The following ATRX variants were observed in gnomAD, a reference collection of about 807,000 sequenced individuals.
ATRX encodes ATRX chromatin remodeler.
In ATRX, 12 loss-of-function variants were observed where a neutral mutation model predicts 172.6. That is an observed-to-expected ratio of 0.07 (90% CI 0.04 to 0.11). The LOEUF (loss-of-function observed/expected upper bound fraction) is 0.11, where lower values mean the gene tolerates loss of function less well. ATRX is among the 10% of genes least tolerant of loss of function. ATRX has a pLI of 1.00. For missense variants in ATRX, 1,368 were observed against 1,767.4 expected (o/e 0.77, Z 4.05); for synonymous variants, 674 against 594.7 (o/e 1.13, Z -1.94).
At chrX:77,580,000 CA>C (rs1289110045) in intron 27 of ATRX, among the ~76,000 whole-genome samples, 1 of 111,343 alleles carries the variant, frequency 9.0e-6, no homozygotes, top group Admixed American at 9.5e-5. Context: ...ATTCTGGAGT[CA>C]AAAAATGCAA....
chrX:77,574,890 A>G (rs949806218), intron 27 of ATRX, among the ~76,000 whole-genome samples: 12 of 107,972 alleles, frequency 1.1e-4, no homozygotes, highest in East Asian at 2.9e-4. Flanking sequence ...GTGTGTGTGT[A>G]TGTGTGTGTG....
chrX:77,779,829 G>A (rs1206007383), intron 1 of ATRX, among the ~76,000 whole-genome samples: 2 of 112,022 alleles, frequency 1.8e-5, no homozygotes, highest in Non-Finnish European at 3.8e-5. Context: ...AATATTGTAT[G>A]GGACAGTTAA....
intron 34 of ATRX, among the ~76,000 whole-genome samples, chrX:77,508,923 C>T (rs1241746282): frequency 1.8e-5 from 2 of 112,160 alleles, no homozygotes; most frequent in Non-Finnish European, 3.8e-5. Context: ...GTATTAGTTA[C>T]AACACTTTTT....
chrX:77,661,297 C>T (rs1337935688), intron 12 of ATRX, among the ~76,000 whole-genome samples: 1 of 111,237 alleles, frequency 9.0e-6, no homozygotes, highest in African/African-American at 3.3e-5. Context: ...AAATTGTATA[C>T]TGTAAATGGT....
At chrX:77,521,165 C>G (rs1248821589) in intron 33 of ATRX, 3 of 430,526 alleles carry the variant, frequency 7.0e-6, no homozygotes, top group Non-Finnish European at 1.2e-5. Flanking sequence ...TTTATATAAA[C>G]AATGCATACA....
intron 9 of ATRX, among the ~76,000 whole-genome samples, chrX:77,679,853 A>G: frequency 8.9e-6 from 1 of 112,341 alleles, no homozygotes; most frequent in East Asian, 2.8e-4. Context: ...TATTATTCTT[A>G]AACTCTAATC....
chrX:77,674,298 C>A (rs912708985), intron 10 of ATRX: 1 of 111,407 alleles, frequency 9.0e-6, no homozygotes, highest in Non-Finnish European at 1.9e-5. Context: ...GTATCCCCAT[C>A]ATGACTACAT....
chrX:77,760,043 A>G (rs1227955003), intron 1 of ATRX, among the ~76,000 whole-genome samples: 1 of 110,979 alleles, frequency 9.0e-6, no homozygotes, highest in Non-Finnish European at 1.9e-5. Flanking sequence ...TTTCTATTTC[A>G]GATTCTTAGG....
rs782450356 is a variant in ATRX at position 77,566,958 on chromosome X, A to G, written c.6326+7292T>C. ...ATATGGTTAAACACTTGAGACAGTC[A>G]TATTATAAAAAGGGAATCAAAAGGA... On this transcript the variant is annotated intron_variant, in intron 28 of 34. Transcript: ENST00000373344. 7.2e-5 allele frequency among the ~76,000 whole-genome samples: 8 copies of G among 111,856 alleles called. No individual in the cohort carries two copies. The South Asian group carries it at 3.0e-3, about 41-fold the overall frequency.
At position 77,531,446 on chromosome X, in the gene ATRX, G is replaced by A. The variant is rs552144144; in HGVS notation, c.6700-8045C>T. Among the ~76,000 whole-genome samples, 35 of 111,930 alleles carry A rather than the reference G, an allele frequency of 3.1e-4. No individual in the cohort carries two copies. The South Asian group carries it at 0.01, about 32-fold the overall frequency. On this transcript the variant is annotated intron_variant, in intron 30 of 34. Transcript: ENST00000373344. ...GCTTATCCACCATGATCAAGATGGC[G>A]TCATCCCTGGAATGCAAGGTTGGTT...
chrX:77,602,128 C>A, intron 22 of ATRX, among the ~76,000 whole-genome samples: 2 of 111,747 alleles, frequency 1.8e-5, no homozygotes, highest in Middle Eastern at 4.6e-3. Flanking sequence ...GCCTCAGCCT[C>A]CCAAAAGCTG....
chrX:77,756,648 A>C (rs1276402769), intron 1 of ATRX, among the ~76,000 whole-genome samples: 1 of 110,221 alleles, frequency 9.1e-6, no homozygotes, highest in Admixed American at 9.7e-5. Flanking sequence ...TGCTTCTGCT[A>C]CCCTCCATGG....
At chrX:77,616,303 C>G (rs1557096735) in intron 22 of ATRX, 1 of 896,727 alleles carries the variant, frequency 1.1e-6, no homozygotes, top group Non-Finnish European at 1.4e-6. Context: ...TAAAAAAATA[C>G]TCTGGAATTT....
At chrX:77,596,631 T>C (rs1569528408) in intron 25 of ATRX, 1 of 111,206 alleles carries the variant, frequency 9.0e-6, no homozygotes, top group Non-Finnish European at 1.9e-5. Flanking sequence ...TCCCTGTGTG[T>C]TTTTGGGCTC....
rs2147950132 is a variant in ATRX, at chrX:77,558,823, G to C, written c.6350C>G (p.Thr2117Ser). ...NVRGRLFIIS[T>S]KAGSLGINLV... Reference sequence around the variant, plus strand: ...ATTAATTCCTAGAGATCCTGCTTTAGTAGAAATGATAAATAATCGTCCTCT... The same window carrying C: ...ATTAATTCCTAGAGATCCTGCTTTACTAGAAATGATAAATAATCGTCCTCT... Residue 2117 changes from threonine (T) to serine (S), a missense_variant, in exon 29 of 35, where the codon ACT becomes AGT. Coordinates refer to ENST00000373344, the MANE Select transcript of ATRX (RefSeq NM_000489.6). 8.3e-7 allele frequency: 1 copy of C among 1,199,032 alleles called. No individual in the cohort carries two copies. Among genetic ancestry groups the C allele is most frequent in the Non-Finnish European group, 1.1e-6 (1 of 884,447 alleles).
chrX:77,625,217 G>A (rs1323181162), intron 19 of ATRX, among the ~76,000 whole-genome samples: 1 of 112,107 alleles, frequency 8.9e-6, no homozygotes, highest in East Asian at 2.8e-4. Flanking sequence ...CTGCATCTTC[G>A]TCTCTCATCT....
At chrX:77,766,911 G>A (rs1557196340) in intron 1 of ATRX, among the ~76,000 whole-genome samples, 2 of 112,513 alleles carry the variant, frequency 1.8e-5, no homozygotes, top group Non-Finnish European at 3.8e-5. Flanking sequence ...TCACGCCACT[G>A]CACTCCAGCC....
chrX:77,766,947 C>G (rs1442096134), intron 1 of ATRX, among the ~76,000 whole-genome samples: 52 of 112,253 alleles, frequency 4.6e-4, no homozygotes, highest in Non-Finnish European at 9.4e-5. Flanking sequence ...ACTGAGTGAA[C>G]GAGACTCCGT....
rs189874033 is a variant in ATRX at position 77,560,320 on chromosome X, T to G, written c.6327-1474A>C. Among the ~76,000 whole-genome samples, 4 of 111,597 alleles carry G rather than the reference T, an allele frequency of 3.6e-5. No homozygotes were observed. In the Admixed American group the frequency reaches 3.8e-4, roughly 11 times the overall value. On this transcript the variant is annotated intron_variant, in intron 28 of 34. Coordinates refer to ENST00000373344, the MANE Select transcript of ATRX (RefSeq NM_000489.6). ...TCCCCAGAAACAACCTCCATTCAAA[T>G]CATGATATATTTCCTACAGTTTTCT... is the stretch of plus-strand genomic sequence containing the variant.
Sources: allele counts gnomAD v4.1 joint callset (sites outside exome capture counted in the v4.1 genomes callset), GRCh38; gene constraint gnomAD v4.1.1; transcripts MANE v1.5; gene names NCBI Gene and HGNC (gene_info 2026-07-23, HGNC 2026-07-21).